Variants in COL6A5 observed in about 807,000 individuals in gnomAD.
The protein encoded by COL6A5 is collagen alpha-5(VI) chain.
A neutral mutation model predicts 65.6 loss-of-function variants in COL6A5; 48 were observed. The observed-to-expected ratio is 0.73, with a 90% CI of 0.58 to 0.93. The LOEUF is 0.93. Among genes scored for constraint, COL6A5 ranks in the 40% least tolerant of loss-of-function variants. The pLI is 0.00. For synonymous variants in COL6A5, 291 were observed against 322.8 expected (o/e 0.90, Z 1.05); for missense variants, 914 against 928.3 (o/e 0.98, Z 0.20).
chr3:130,449,033 T>C (rs1045240374), intron 4 of COL6A5, among the ~76,000 whole-genome samples: 2 of 152,186 alleles, frequency 1.3e-5, no homozygotes, highest in African/African-American at 4.8e-5. Flanking sequence ...ATTTCTTTTT[T>C]ACTAGAAACA....
chr3:130,472,827 GTATACATATATATATATATATA>G (rs1559921430), intron 7 of COL6A5, among the ~76,000 whole-genome samples: 1 of 17,734 alleles, frequency 5.6e-5, no homozygotes, highest in East Asian at 1.4e-3. Context: ...ATATGTGTGT[GTATACATATATATATATATATA>G]TATATATATA....
chr3:130,355,616 C>T (rs914031313), intron 1 of COL6A5, among the ~76,000 whole-genome samples: 4 of 150,684 alleles, frequency 2.7e-5, no homozygotes, highest in Admixed American at 2.6e-4. Context: ...TTAGGGTAAA[C>T]TAGTAAAATA....
intron 2 of COL6A5, among the ~76,000 whole-genome samples, chr3:130,374,945 C>T (rs1404153689): frequency 6.6e-6 from 1 of 152,188 alleles, no homozygotes; most frequent in East Asian, 1.9e-4. Flanking sequence ...TTACTAAAAA[C>T]ATCATTCAAA....
At chr3:130,431,280 G>A (rs1422711324), upstream of COL6A5, 1 of 722,440 alleles carries the variant, frequency 1.4e-6, no homozygotes, top group Non-Finnish European at 2.5e-6. Flanking sequence ...CTGCATTTAT[G>A]TTAACAGCTT....
chr3:130,442,874 T>C (rs1249672939), intron 3 of COL6A5, among the ~76,000 whole-genome samples: 6 of 152,236 alleles, frequency 3.9e-5, no homozygotes, highest in African/African-American at 1.4e-4. Flanking sequence ...GATCAGTCAA[T>C]GGCTGAAGGC....
intron 7 of COL6A5, among the ~76,000 whole-genome samples, chr3:130,474,450 C>T (rs1710037802): frequency 6.6e-6 from 1 of 151,978 alleles, no homozygotes; most frequent in Non-Finnish European, 1.5e-5. Context: ...GTGAACAATT[C>T]TCAAAGAAAA....
At chr3:130,361,663 G>C (rs1490351876) in intron 1 of COL6A5, among the ~76,000 whole-genome samples, 8 of 152,078 alleles carry the variant, frequency 5.3e-5, no homozygotes, top group Non-Finnish European at 8.8e-5. Flanking sequence ...GTCTTCCAAA[G>C]TGGCTGTGCC....
At chr3:130,419,895 A>T (rs1006490585) in intron 25 of COL6A5, among the ~76,000 whole-genome samples, 2 of 152,072 alleles carry the variant, frequency 1.3e-5, no homozygotes, top group Non-Finnish European at 2.9e-5. Flanking sequence ...TGCAACAACA[A>T]AAAAAGAAAA....
chr3:130,471,101 T>TGTG, intron 7 of COL6A5, 134 bp downstream of exon 39: 5 of 665,752 alleles, frequency 7.5e-6, no homozygotes, highest in African/African-American at 3.6e-5. Flanking sequence ...TGTGTGTGTG[T>TGTG]TTTAAATGCT....
intron 4 of COL6A5, 144 bp from the exon 5 acceptor site, chr3:130,384,660 C>G (rs1327266413): frequency 1.6e-6 from 1 of 622,834 alleles, no homozygotes; most frequent in Non-Finnish European, 2.7e-6. Flanking sequence ...ATGGGCATGA[C>G]TGTGCTTAAT....
chr3:130,429,971 C>T (rs1273488855), upstream of COL6A5, among the ~76,000 whole-genome samples: 1 of 152,186 alleles, frequency 6.6e-6, no homozygotes, highest in East Asian at 1.9e-4. Flanking sequence ...ACACTCAAAC[C>T]TGTCATCTCA....
intron 4 of COL6A5, among the ~76,000 whole-genome samples, chr3:130,446,650 G>C (rs931093452): frequency 3.9e-5 from 6 of 152,114 alleles, no homozygotes; most frequent in South Asian, 2.1e-4. Context: ...GGCAGTCTCT[G>C]ACACAGACGT....
At chr3:130,463,564 C>T (rs992174404) in intron 5 of COL6A5, among the ~76,000 whole-genome samples, 1 of 152,070 alleles carries the variant, frequency 6.6e-6, no homozygotes, top group Non-Finnish European at 1.5e-5. Flanking sequence ...GGGTGCTTCC[C>T]TGGAAATTCT....
chr3:130,442,057 A>G (rs1709195317), intron 3 of COL6A5, among the ~76,000 whole-genome samples: 1 of 152,148 alleles, frequency 6.6e-6, no homozygotes, highest in Admixed American at 6.5e-5. Context: ...CCTGTGATTC[A>G]TATTCAATTA....
chr3:130,345,800 TGTGCGGCGCGGACCAGGGC>T (rs11273717), exon 1 of COL6A5: 387,602 of 398,170 alleles, frequency 0.97, 188,849 homozygotes, highest in Non-Finnish European at 0.99. Context: ...CACCTGCAGC[TGTGCGGCGCGGACCAGGGC>T]GTGCGGCGCG....
chr3:130,401,487 G>A (rs551068310), intron 11 of COL6A5, among the ~76,000 whole-genome samples: 2 of 152,304 alleles, frequency 1.3e-5, no homozygotes, highest in South Asian at 2.1e-4. Context: ...AAACCAACAA[G>A]TCTTAGGCAA....
intron 5 of COL6A5, among the ~76,000 whole-genome samples, chr3:130,458,845 T>A (rs1380981283): frequency 6.6e-6 from 1 of 152,078 alleles, no homozygotes; most frequent in Non-Finnish European, 1.5e-5. Flanking sequence ...AATATAAAAA[T>A]CCCTTGCAAC....
At chr3:130,391,903 A>C (rs1361934155) in intron 7 of COL6A5, 149 bp downstream of exon 7, 6 of 683,402 alleles carry the variant, frequency 8.8e-6, no homozygotes, top group Non-Finnish European at 1.5e-5. Context: ...TCTAAAAGAA[A>C]TGGGTTGATT....
At chr3:130,379,009 G>C (rs1164664476) in intron 3 of COL6A5, among the ~76,000 whole-genome samples, 1 of 152,116 alleles carries the variant, frequency 6.6e-6, no homozygotes, top group African/African-American at 2.4e-5. Flanking sequence ...CAGTGGTAAA[G>C]GTAGCGGTGA....
Sources: allele counts gnomAD v4.1 joint callset (sites outside exome capture counted in the v4.1 genomes callset), GRCh38; gene constraint gnomAD v4.1.1; transcripts MANE v1.5; gene names NCBI Gene and HGNC (gene_info 2026-07-23, HGNC 2026-07-21).